CNBD1: variants seen among roughly 807,000 people sequenced by gnomAD.
CNBD1 encodes cyclic nucleotide binding domain containing 1.
Under a neutral mutation model 54.4 loss-of-function variants are expected in CNBD1, and 71 were observed. The observed-to-expected ratio is 1.30, with a 90% CI of 1.08 to 1.59. The LOEUF (loss-of-function observed/expected upper bound fraction) is 1.59, where lower values mean the gene tolerates loss of function less well. Ranked by LOEUF, CNBD1 falls within the 40% of genes most tolerant of loss-of-function variation. CNBD1 has a pLI of 0.00. For synonymous variants in CNBD1, 182 were observed against 170.7 expected, an observed-to-expected ratio of 1.07 and a Z score of -0.51; for missense variants, 659 against 518.0, an observed-to-expected ratio of 1.27 and a Z score of -2.64.
chr8:87,188,357 T>C (rs1411944723), intron 4 of CNBD1, among the ~76,000 whole-genome samples: 1 of 152,220 alleles, frequency 6.6e-6, no homozygotes, highest in African/African-American at 2.4e-5. Flanking sequence ...GGACAAGGTC[T>C]GTCTCTATCT....
At chr8:86,951,400 C>A (rs967692995) in intron 4 of CNBD1, among the ~76,000 whole-genome samples, 6 of 151,106 alleles carry the variant, frequency 4.0e-5, no homozygotes, top group Non-Finnish European at 8.9e-5. Flanking sequence ...ACCAGCCTGG[C>A]CCACGTGGTG....
At chr8:87,409,400 G>A (rs946989409) in intron 2 of CNBD1, among the ~76,000 whole-genome samples, 1 of 152,162 alleles carries the variant, frequency 6.6e-6, no homozygotes, top group Admixed American at 6.5e-5. Flanking sequence ...GTTTGTTCAT[G>A]AGCTTTAAGG....
intron 4 of CNBD1, among the ~76,000 whole-genome samples, chr8:86,945,313 C>T (rs779698963): frequency 7.2e-5 from 11 of 152,026 alleles, no homozygotes; most frequent in Non-Finnish European, 1.0e-4. Flanking sequence ...TTCCTTTGAG[C>T]GAATGAGGCA....
At chr8:87,057,880 C>T (rs536198210) in intron 4 of CNBD1, among the ~76,000 whole-genome samples, 2 of 152,158 alleles carry the variant, frequency 1.3e-5, no homozygotes, top group South Asian at 4.2e-4. Flanking sequence ...CACACACACA[C>T]ACAATCGTGC....
chr8:86,969,162 C>G lies in CNBD1; in HGVS notation c.431+29408C>G, dbSNP rs577508776. 3.3e-5 allele frequency among the ~76,000 whole-genome samples: 5 copies of G among 151,832 alleles called. No homozygotes were observed. The East Asian group carries it at 9.7e-4, about 29-fold the overall frequency. On this transcript the variant is annotated intron_variant, in intron 4 of 10. Coordinates refer to ENST00000518476, the MANE Select transcript of CNBD1 (RefSeq NM_173538.3). ...TCACAACTTATTTACTGTTTTTTTT[C>G]TCTGCATTTTCTCATTTTCTTTTAA...
At chr8:87,034,391 C>T (rs945021982) in intron 4 of CNBD1, among the ~76,000 whole-genome samples, 2 of 152,192 alleles carry the variant, frequency 1.3e-5, no homozygotes, top group East Asian at 1.9e-4. Flanking sequence ...GTTAGAATCA[C>T]CTGGTGTTTT....
chr8:87,386,121 A>G (rs1402940175), downstream of CNBD1, among the ~76,000 whole-genome samples: 3 of 152,208 alleles, frequency 2.0e-5, no homozygotes, highest in African/African-American at 7.2e-5. Flanking sequence ...GTGCATCACC[A>G]TCATCAAAGA....
chr8:87,241,574 T>C lies in CNBD1; in HGVS notation c.771+4462T>C, dbSNP rs184674855. Among the ~76,000 whole-genome samples, 389 of 152,166 alleles carry C rather than the reference T, an allele frequency of 2.6e-3. 1 individual carries two copies. Among genetic ancestry groups the C allele is most frequent in the Non-Finnish European group, 4.4e-3 (298 of 67,992 alleles). ...GGCGTGAGCCACTGCACCCCGCCCA[T>C]GGAAGATTTTTGAATGGATAACAAT... is the stretch of plus-strand genomic sequence containing the variant. On this transcript the variant is annotated intron_variant, in intron 6 of 10. Coordinates refer to ENST00000518476, the MANE Select transcript of CNBD1 (RefSeq NM_173538.3).
intron 8 of CNBD1, among the ~76,000 whole-genome samples, chr8:87,327,274 C>A (rs866288516): frequency 6.7e-6 from 1 of 148,880 alleles, no homozygotes; most frequent in Middle Eastern, 3.5e-3. Context: ...TGTGCCCTGC[C>A]CCCAGAGGTG....
chr8:86,873,088 G>A (rs1404886608), intron 1 of CNBD1, among the ~76,000 whole-genome samples: 1 of 149,854 alleles, frequency 6.7e-6, no homozygotes, highest in Non-Finnish European at 1.5e-5. Flanking sequence ...TGTTGTTGTT[G>A]TTGTTGTTGT....
chr8:87,260,579 G>A lies in CNBD1; in HGVS notation c.771+23467G>A, dbSNP rs150592368. Reference sequence around the variant, plus strand: ...TTTTACCATTCATTCCACTGTTTTTGCACAGGGAGAGAAAAGCCAGAAATC... The same window carrying A: ...TTTTACCATTCATTCCACTGTTTTTACACAGGGAGAGAAAAGCCAGAAATC... On this transcript the variant is annotated intron_variant, in intron 6 of 10. Coordinates refer to ENST00000518476, the MANE Select transcript of CNBD1 (RefSeq NM_173538.3). Among the ~76,000 whole-genome samples the A allele has an allele frequency of 2.8e-3, 429 of 152,174 alleles. 1 individual carries two copies. The highest frequency in any genetic ancestry group is 9.8e-3 in the African/African-American group (409 of 41,532).
intron 3 of CNBD1, among the ~76,000 whole-genome samples, chr8:86,927,657 T>C (rs1038156337): frequency 2.0e-5 from 3 of 152,268 alleles, no homozygotes; most frequent in Admixed American, 6.5e-5. Context: ...AGCTACAGTA[T>C]ATAGTCCTAC....
At chr8:86,999,000 A>G (rs537530718) in intron 4 of CNBD1, among the ~76,000 whole-genome samples, 30 of 152,312 alleles carry the variant, frequency 2.0e-4, no homozygotes, top group African/African-American at 6.3e-4. Context: ...TTTGCCCACT[A>G]TCTATGTGGA....
intron 4 of CNBD1, among the ~76,000 whole-genome samples, chr8:86,941,749 G>A (rs566746630): frequency 6.6e-6 from 1 of 152,318 alleles, no homozygotes; most frequent in Admixed American, 6.5e-5. Context: ...ATGGTAGAAG[G>A]TGGTCCAAGC....
intron 4 of CNBD1, among the ~76,000 whole-genome samples, chr8:86,945,939 CAG>C (rs1266637006): frequency 6.6e-6 from 1 of 152,160 alleles, no homozygotes; most frequent in Non-Finnish European, 1.5e-5. Flanking sequence ...GCCTGGCCTG[CAG>C]AGTCAGAAAG....
At chr8:87,265,134 G>A (rs1808223825) in intron 6 of CNBD1, among the ~76,000 whole-genome samples, 1 of 152,196 alleles carries the variant, frequency 6.6e-6, no homozygotes. Context: ...ATGGTTTTAG[G>A]TCTAACATGT....
chr8:87,102,198 A>G (rs889327019), intron 4 of CNBD1, among the ~76,000 whole-genome samples: 1 of 152,048 alleles, frequency 6.6e-6, no homozygotes, highest in East Asian at 1.9e-4. Context: ...AGAATTTTTT[A>G]TGTTGATGGA....
At chr8:87,077,412 C>CTTTTTTTTTTTTTTT (rs374931620) in intron 4 of CNBD1, among the ~76,000 whole-genome samples, 1 of 129,590 alleles carries the variant, frequency 7.7e-6, no homozygotes, top group African/African-American at 2.9e-5. Flanking sequence ...TCTTCTTCTT[C>CTTTTTTTTTTTTTTT]TTTTTTTTTT....
At chr8:87,048,291 GT>G (rs997790687) in intron 4 of CNBD1, among the ~76,000 whole-genome samples, 29 of 152,236 alleles carry the variant, frequency 1.9e-4, no homozygotes, top group Middle Eastern at 6.8e-3. Context: ...TAATTCAGAA[GT>G]TTCCTTGTCA....
Sources: allele counts gnomAD v4.1 joint callset (sites outside exome capture counted in the v4.1 genomes callset), GRCh38; gene constraint gnomAD v4.1.1; transcripts MANE v1.5; gene names NCBI Gene and HGNC (gene_info 2026-07-23, HGNC 2026-07-21).